Variants in GPR158 observed in about 807,000 individuals in gnomAD.
GPR158 encodes G protein-coupled receptor 158.
In GPR158, 30 loss-of-function variants were observed where a neutral mutation model predicts 78.2. That is an observed-to-expected ratio of 0.38 (90% confidence interval 0.29 to 0.52). The LOEUF is 0.52. Among genes scored for constraint, GPR158 ranks in the 20% least tolerant of loss-of-function variants. The pLI is 0.83. For missense variants in GPR158, 1,463 were observed against 1,523.5 expected, an observed-to-expected ratio of 0.96 and a Z score of 0.66; for synonymous variants, 581 against 591.1, an observed-to-expected ratio of 0.98 and a Z score of 0.25.
chr10:25,521,159 C>G (rs537987306), intron 5 of GPR158, among the ~76,000 whole-genome samples: 6 of 152,328 alleles, frequency 3.9e-5, no homozygotes, highest in East Asian at 1.9e-4. Flanking sequence ...TTCTTTGACT[C>G]GGAAAGGAAA....
At chr10:25,518,259 C>T (rs1836210675) in intron 5 of GPR158, among the ~76,000 whole-genome samples, 1 of 86,736 alleles carries the variant, frequency 1.2e-5, no homozygotes, top group African/African-American at 6.0e-5. Context: ...TGATTCTTCT[C>T]TCTTTTTTTC....
At chr10:25,350,467 C>T (rs1320400882) in intron 2 of GPR158, among the ~76,000 whole-genome samples, 3 of 151,890 alleles carry the variant, frequency 2.0e-5, no homozygotes, top group Admixed American at 6.6e-5. Context: ...CTAACCTGCC[C>T]CTTACATGTG....
At chr10:25,382,838 A>C (rs1050093549) in intron 2 of GPR158, among the ~76,000 whole-genome samples, 3 of 151,748 alleles carry the variant, frequency 2.0e-5, no homozygotes, top group Non-Finnish European at 4.4e-5. Context: ...ATTTTTATTT[A>C]TTTATTTTTT....
intron 5 of GPR158, among the ~76,000 whole-genome samples, chr10:25,549,174 G>A (rs1434075813): frequency 6.6e-6 from 1 of 152,124 alleles, no homozygotes; most frequent in Non-Finnish European, 1.5e-5. Context: ...ACCCCCGTAT[G>A]TGTAGTCTCT....
At chr10:25,280,443 C>T (rs1233787968) in intron 2 of GPR158, among the ~76,000 whole-genome samples, 2 of 152,056 alleles carry the variant, frequency 1.3e-5, no homozygotes, top group Non-Finnish European at 2.9e-5. Flanking sequence ...CTTGTATGCA[C>T]CTAATAAGAT....
Position 25,510,534 on chromosome 10 carries a change from T to TTTTATTTA in GPR158, c.1405-40427_1405-40420dup, listed in dbSNP as rs375045417. 6.6e-5 allele frequency among the ~76,000 whole-genome samples: 10 copies of TTTTATTTA among 152,122 alleles called. No homozygotes were observed. In the East Asian group the frequency reaches 7.8e-4, roughly 12 times the overall value. On this transcript the variant is annotated intron_variant, in intron 5 of 10. Transcript: ENST00000376351. ...GTGGAGAATTCATCAAAGGACTTTGTTTTATTTATTTATTTATTTATTATG... is the reference window on the plus strand; with the variant it reads ...GTGGAGAATTCATCAAAGGACTTTGTTTTATTTATTTATTTATTTATTTATTTATTATG...
chr10:25,436,098 A>G (rs1391800381), intron 4 of GPR158, among the ~76,000 whole-genome samples: 1 of 152,236 alleles, frequency 6.6e-6, no homozygotes, highest in East Asian at 1.9e-4. Context: ...TTGAAACTAG[A>G]TTTAAAAACT....
chr10:25,406,298 G>A (rs1217215484), intron 3 of GPR158, among the ~76,000 whole-genome samples: 1 of 152,104 alleles, frequency 6.6e-6, no homozygotes, highest in Non-Finnish European at 1.5e-5. Flanking sequence ...CCATCTTCTG[G>A]AAAGTCAGAT....
intron 2 of GPR158, among the ~76,000 whole-genome samples, chr10:25,373,625 A>G (rs1480485402): frequency 6.6e-6 from 1 of 151,854 alleles, no homozygotes; most frequent in South Asian, 2.1e-4. Flanking sequence ...TCATATTTAC[A>G]TTATCATTTG....
At chr10:25,277,425 A>G (rs568226003) in intron 2 of GPR158, among the ~76,000 whole-genome samples, 1 of 150,842 alleles carries the variant, frequency 6.6e-6, no homozygotes, top group South Asian at 2.1e-4. Flanking sequence ...AAAATAGAAT[A>G]AACACAATTT....
intron 6 of GPR158, among the ~76,000 whole-genome samples, chr10:25,564,622 G>A (rs1485986393): frequency 6.6e-6 from 1 of 152,146 alleles, no homozygotes; most frequent in African/African-American, 2.4e-5. Context: ...TTGAAAATAA[G>A]GTCCATTGTG....
At chr10:25,414,026 T>G (rs1421580865) in intron 4 of GPR158, among the ~76,000 whole-genome samples, 1 of 152,022 alleles carries the variant, frequency 6.6e-6, no homozygotes, top group East Asian at 1.9e-4. Context: ...CAGGTAGAAT[T>G]GAAAGGTCTG....
chr10:25,302,211 G>A (rs60222304), intron 2 of GPR158, among the ~76,000 whole-genome samples: 30,048 of 149,726 alleles, frequency 0.2, 5,129 homozygotes, highest in African/African-American at 0.47. Context: ...AGCTGGGACT[G>A]CAGGTGCCTG....
intron 2 of GPR158, among the ~76,000 whole-genome samples, chr10:25,342,627 G>A (rs1855317285): frequency 6.6e-6 from 1 of 151,826 alleles, no homozygotes; most frequent in Non-Finnish European, 1.5e-5. Flanking sequence ...GGAAAAAAAT[G>A]TAATCCTTCC....
chr10:25,448,170 T>C lies in GPR158; in HGVS notation c.1336-18481T>C, dbSNP rs192953232. On this transcript the variant is annotated intron_variant, in intron 4 of 10. Coordinates refer to ENST00000376351, the MANE Select transcript of GPR158 (RefSeq NM_020752.3). ...TGTGATCTAGGCTCACTGCAAGCTC[T>C]GCCTCCCAGGTTCACGCCATTCTCC... Among the ~76,000 whole-genome samples the C allele has an allele frequency of 1.2e-3, 188 of 150,944 alleles. 1 individual carries two copies. Among genetic ancestry groups the C allele is most frequent in the South Asian group, 9.2e-3 (44 of 4,766 alleles).
At chr10:25,313,340 T>A (rs1192530868) in intron 2 of GPR158, among the ~76,000 whole-genome samples, 2 of 151,716 alleles carry the variant, frequency 1.3e-5, no homozygotes, top group African/African-American at 4.8e-5. Context: ...ATGGCACATG[T>A]ATACATATGT....
chr10:25,493,421 G>A (rs1225157684), intron 5 of GPR158, among the ~76,000 whole-genome samples: 1 of 152,104 alleles, frequency 6.6e-6, no homozygotes, highest in Non-Finnish European at 1.5e-5. Context: ...AAGATAGGAT[G>A]TTTTCTGAAA....
At chr10:25,510,595 T>G (rs1836072035) in intron 5 of GPR158, among the ~76,000 whole-genome samples, 1 of 152,036 alleles carries the variant, frequency 6.6e-6, no homozygotes, top group African/African-American at 2.4e-5. Flanking sequence ...ACAGGTGGTG[T>G]TTGTTTACAT....
intron 1 of GPR158, among the ~76,000 whole-genome samples, chr10:25,215,378 T>A (rs1053201959): frequency 3.9e-5 from 6 of 152,002 alleles, no homozygotes; most frequent in African/African-American, 1.4e-4. Flanking sequence ...AGTTGAGGAA[T>A]AGGGATTTGT....
Sources: gnomAD v4.1 joint callset for allele counts (sites outside exome capture counted in the v4.1 genomes callset) on GRCh38, gnomAD v4.1.1 for gene constraint, MANE v1.5 for transcripts, NCBI Gene and HGNC (gene_info 2026-07-23, HGNC 2026-07-21) for gene names.